CCDC88C: variants seen among roughly 807,000 people sequenced by gnomAD.
The protein encoded by CCDC88C is protein Daple.
A neutral mutation model predicts 198.8 loss-of-function variants in CCDC88C; 131 were observed. The observed-to-expected ratio is 0.66, with a 90% confidence interval of 0.57 to 0.76. The LOEUF is 0.76. Ranked by LOEUF, CCDC88C falls within the 30% of genes least tolerant of loss-of-function variation. CCDC88C has a pLI of 0.00. For synonymous variants in CCDC88C, 1,166 were observed against 1,114.7 expected (o/e 1.05, Z -0.92); for missense variants, 2,553 against 2,631.6 (o/e 0.97, Z 0.65).
At chr14:91,327,253 T>C (rs1310589667) in intron 10 of CCDC88C, among the ~76,000 whole-genome samples, 1 of 152,268 alleles carries the variant, frequency 6.6e-6, no homozygotes, top group Non-Finnish European at 1.5e-5. Context: ...TGTGCTCATC[T>C]TCCTATGTGG....
In CCDC88C at chr14:91,273,663, A is replaced by G. The variant is rs1352022200; in HGVS notation, c.5059-10T>C. 4.1e-6 allele frequency: 6 copies of G among 1,451,920 alleles called. No homozygotes were observed. Among genetic ancestry groups the G allele is most frequent in the Non-Finnish European group, 3.6e-6 (4 of 1,099,758 alleles). The allele number at this position is 1,451,920 out of a possible 1,614,324, so 89.9% of individuals were successfully genotyped here. ...GGCAACTGGGAGTGTCCTACGGAGA[A>G]GAGAGTGAAGGTTGGAGGTGGGCAT... On this transcript the variant is annotated splice_polypyrimidine_tract_variant and intron_variant, in intron 29 of 29. Coordinates refer to ENST00000389857, the MANE Select transcript of CCDC88C (RefSeq NM_001080414.4). The surrounding 1 kb of genome is among the most constrained non-coding windows in gnomAD (Gnocchi z 5.6).
intron 4 of CCDC88C, among the ~76,000 whole-genome samples, chr14:91,356,305 G>A (rs945439521): frequency 6.6e-6 from 1 of 152,066 alleles, no homozygotes; most frequent in African/African-American, 2.4e-5. Context: ...CCAGCTCCCC[G>A]TCCCCCAGCC....
In CCDC88C at chr14:91,313,803, C is replaced by T. The variant is rs1424119911; in HGVS notation, c.2013G>A (p.Leu671=). ...TCCTCAGAGTCCGGTTCTCCAGCTG[C>T]AGGCCCTGGCTCTCATGCTCCAGGG... ...VEALEHESQG[L]QLENRTLRKS... The change falls in exon 15 of 30, where the codon CTG becomes CTA. Residue 671 remains leucine (L), a synonymous_variant. Coordinates refer to ENST00000389857, the MANE Select transcript of CCDC88C (RefSeq NM_001080414.4). The surrounding 1 kb of genome is among the most constrained non-coding windows in gnomAD (Gnocchi z 5.2). The T allele has an allele frequency of 1.9e-6, 3 of 1,605,264 alleles. No homozygotes were observed. Among genetic ancestry groups the T allele is most frequent in the Non-Finnish European group, 2.5e-6 (3 of 1,178,414 alleles).
chr14:91,392,280 ACC>A (rs1409272756), intron 3 of CCDC88C, among the ~76,000 whole-genome samples: 1 of 151,920 alleles, frequency 6.6e-6, no homozygotes, highest in Non-Finnish European at 1.5e-5. Flanking sequence ...CCTACATGCC[ACC>A]CCCAACCCTG....
At chr14:91,402,506 T>C (rs926880824) in intron 3 of CCDC88C, among the ~76,000 whole-genome samples, 4 of 152,156 alleles carry the variant, frequency 2.6e-5, no homozygotes, top group African/African-American at 9.7e-5. Flanking sequence ...CAAAGCTGTG[T>C]GTGTGTGTAC....
intron 26 of CCDC88C, 49 bp downstream of exon 26, chr14:91,283,280 A>G: frequency 6.4e-7 from 1 of 1,572,770 alleles, no homozygotes; most frequent in Non-Finnish European, 8.7e-7. Context: ...GGTCTTCAGG[A>G]AGGACACTAG....
In CCDC88C at chr14:91,313,325, C is replaced by T. The variant is rs748135926; in HGVS notation, c.2491G>A (p.Glu831Lys). 46 of 1,613,362 alleles carry T rather than the reference C, an allele frequency of 2.9e-5. No individual in the cohort carries two copies. The highest frequency in any genetic ancestry group is 3.5e-5 in the Non-Finnish European group (41 of 1,179,906). Residue 831 changes from glutamate (E) to lysine (K), a missense_variant, in exon 15 of 30, where the codon GAG (glutamate) becomes AAG (lysine). Physicochemically the swap from Glu to Lys is moderately conservative, Grantham distance 56. Transcript: ENST00000389857. The surrounding 1 kb of genome is among the most constrained non-coding windows in gnomAD (Gnocchi z 5.2). ...KALEQEVAQL[E>K]KDKKLLEKEA... is the part of the protein sequence containing the mutation. ...TTCTCCAGCAGCTTCTTATCCTTCT[C>T]GAGCTGGGCCACCTCCTGCTCCAGG...
chr14:91,272,563 G>C lies in CCDC88C; in HGVS notation c.*62C>G, dbSNP rs12434472. ...GGCACCGCAGGCAAGCAAGAGAAAAGGCCGTGAGAGTCGGAAGGCGCGTCA... is the reference window on the plus strand; with the variant it reads ...GGCACCGCAGGCAAGCAAGAGAAAACGCCGTGAGAGTCGGAAGGCGCGTCA... On this transcript the variant is annotated 3_prime_UTR_variant, in exon 30 of 30. Coordinates refer to ENST00000389857, the MANE Select transcript of CCDC88C (RefSeq NM_001080414.4). 3.8e-5 allele frequency: 58 copies of C among 1,517,124 alleles called. No individual in the cohort carries two copies. In the African/African-American group the frequency reaches 5.8e-4, roughly 15 times the overall value. The allele number at this position is 1,517,124 out of a possible 1,614,324, so 94.0% of individuals were successfully genotyped here.
intron 19 of CCDC88C, 51 bp from the exon 20 acceptor site, chr14:91,304,029 A>G (rs1195817777): frequency 1.9e-6 from 3 of 1,570,146 alleles, no homozygotes; most frequent in Non-Finnish European, 1.7e-6. Context: ...GTCAGCGAGG[A>G]GGGCTGGGGA....
At chr14:91,361,127 T>A (rs1159183041) in intron 3 of CCDC88C, among the ~76,000 whole-genome samples, 12 of 111,540 alleles carry the variant, frequency 1.1e-4, no homozygotes, top group Non-Finnish European at 1.8e-4. Flanking sequence ...AAACCCTGTC[T>A]ATAAAAAAAA....
chr14:91,339,821 AGAG>A lies in CCDC88C; in HGVS notation c.624+60_624+62del. On this transcript the variant is annotated intron_variant, in intron 7 of 29. Transcript: ENST00000389857. This position sits in a 1 kb window ranked among gnomAD's most constrained non-coding sequence, Gnocchi z 5.8. ...AGGCGTCTAGGCTGAAGATGAAGGG[AGAG>A]GAGATGAAGGGGCCTAAGCCCCTTC... 1.3e-6 allele frequency: 2 copies of A among 1,483,654 alleles called. No individual in the cohort carries two copies. Among genetic ancestry groups the A allele is most frequent in the South Asian group, 1.3e-5 (1 of 76,132 alleles). The allele number at this position is 1,483,654 out of a possible 1,614,324, so 91.9% of individuals were successfully genotyped here.
intron 2 of CCDC88C, among the ~76,000 whole-genome samples, chr14:91,412,731 A>G (rs1401288425): frequency 6.6e-6 from 1 of 152,132 alleles, no homozygotes; most frequent in African/African-American, 2.4e-5. Flanking sequence ...CACCGTGCCC[A>G]GCCTGTTTGT....
At chr14:91,379,820 C>G in intron 3 of CCDC88C, 1 of 702,960 alleles carries the variant, frequency 1.4e-6, no homozygotes, top group Non-Finnish European at 2.6e-6. Context: ...TTGTTTGAAG[C>G]CAATGCGAAA....
intron 13 of CCDC88C, among the ~76,000 whole-genome samples, chr14:91,320,881 G>A (rs1395401976): frequency 2.0e-5 from 3 of 152,156 alleles, no homozygotes; most frequent in Non-Finnish European, 4.4e-5. Context: ...TCACATGTCC[G>A]GGTCATCCTC....
At chr14:91,408,201 G>C (rs1002380714) in intron 3 of CCDC88C, 20 of 166,386 alleles carry the variant, frequency 1.2e-4, no homozygotes, top group Non-Finnish European at 2.0e-4. Context: ...CTTGCAGCTA[G>C]AGGTGGGTTA....
intron 3 of CCDC88C, chr14:91,379,470 G>A (rs1409369826): frequency 6.5e-6 from 2 of 307,376 alleles, no homozygotes; most frequent in East Asian, 1.6e-4. Flanking sequence ...ACAGGATGTG[G>A]CCTTGGCCAC....
At chr14:91,397,752 G>A (rs1459858682) in intron 3 of CCDC88C, among the ~76,000 whole-genome samples, 5 of 152,140 alleles carry the variant, frequency 3.3e-5, no homozygotes, top group South Asian at 2.1e-4. Flanking sequence ...GGGTTATCAC[G>A]GGAGCCCACA....
rs374606744 is a variant in CCDC88C at position 91,338,814 on chromosome 14, T to C, written c.810-244A>G. ...CGCCACTCAGGTCTCCCTCCCTGTGTGTGGGGCAGGTAAGGAGACCCCAGC... is the reference window on the plus strand; with the variant it reads ...CGCCACTCAGGTCTCCCTCCCTGTGCGTGGGGCAGGTAAGGAGACCCCAGC... On this transcript the variant is annotated intron_variant, in intron 8 of 29. Coordinates refer to ENST00000389857, the MANE Select transcript of CCDC88C (RefSeq NM_001080414.4). This position sits in a 1 kb window ranked among gnomAD's most constrained non-coding sequence, Gnocchi z 4.8. 2 of 532,150 alleles carry C rather than the reference T, an allele frequency of 3.8e-6. No homozygotes were observed. Among genetic ancestry groups the C allele is most frequent in the South Asian group, 2.1e-5 (1 of 46,698 alleles). 33.0% of individuals were successfully genotyped at this position (532,150 alleles called of 1,614,324 possible).
At chr14:91,281,589 G>A (rs1596017931) in intron 26 of CCDC88C, 64 bp from the exon 27 acceptor site, 12 of 1,449,176 alleles carry the variant, frequency 8.3e-6, no homozygotes, top group Middle Eastern at 2.0e-4. Flanking sequence ...AGGGAACCCC[G>A]CCACCTCGCC....
Sources: gnomAD v4.1 joint callset for allele counts (sites outside exome capture counted in the v4.1 genomes callset) on GRCh38, gnomAD v4.1.1 for gene constraint, Gnocchi (gnomAD v3.1) non-coding constraint, MANE v1.5 for transcripts, NCBI Gene and HGNC (gene_info 2026-07-23, HGNC 2026-07-21) for gene names.